The following ARHGEF28 variants were observed in gnomAD, a reference collection of about 807,000 sequenced individuals.
The protein encoded by ARHGEF28 is 190 kDa guanine nucleotide exchange factor.
Under a neutral mutation model 206.6 loss-of-function variants are expected in ARHGEF28, and 152 were observed. That is an observed-to-expected ratio of 0.74 (90% CI 0.64 to 0.84). The LOEUF (loss-of-function observed/expected upper bound fraction) is 0.84. Ranked by LOEUF, ARHGEF28 falls within the 40% of genes least tolerant of loss-of-function variation. The probability of loss-of-function intolerance (pLI) is 0.00; values close to 1 mark genes in which losing one functional copy is unlikely to be tolerated. For missense variants in ARHGEF28, 2,028 were observed against 2,073.2 expected (o/e 0.98, Z 0.42); for synonymous variants, 763 against 776.4 (o/e 0.98, Z 0.29).
intron 3 of ARHGEF28, among the ~76,000 whole-genome samples, chr5:73,750,241 TG>T (rs1427703786): frequency 6.6e-6 from 1 of 152,186 alleles, no homozygotes; most frequent in Non-Finnish European, 1.5e-5. Flanking sequence ...CCAACTTTTA[TG>T]GTTGGGTGTG....
chr5:73,891,289 T>G (rs1761612876), intron 26 of ARHGEF28, among the ~76,000 whole-genome samples: 1 of 152,162 alleles, frequency 6.6e-6, no homozygotes, highest in East Asian at 1.9e-4. Context: ...TCTTTTGTAG[T>G]CACTTTTATA....
intron 9 of ARHGEF28, among the ~76,000 whole-genome samples, chr5:73,816,193 T>G (rs1756199697): frequency 6.6e-6 from 1 of 152,040 alleles, no homozygotes; most frequent in Admixed American, 6.6e-5. Context: ...CTTACAGGGA[T>G]CTTAACATGG....
At chr5:73,750,108 G>T in intron 3 of ARHGEF28, 124 bp downstream of exon 3, 2 of 1,115,592 alleles carry the variant, frequency 1.8e-6, no homozygotes, top group Non-Finnish European at 2.5e-6. Flanking sequence ...AGGAGTGTGT[G>T]CGTGCCTGTG....
In ARHGEF28 at chr5:73,894,510, T is replaced by C; in HGVS notation, c.3776T>C (p.Leu1259Pro). The change falls in exon 29 of 36, where the codon CTT becomes CCT. Residue 1259 changes from leucine (L) to proline (P), a missense_variant. By Grantham distance (98) the Leu-to-Pro change is moderately conservative. Transcript: ENST00000513042. ...GACGTCCATCTAGAGCCCCACCTCC[T>C]TATTAAACCTGACCCAGGCGAGCCT... is the stretch of plus-strand genomic sequence containing the variant. ...FEDVHLEPHL[L>P]IKPDPGEPPQ... 6.2e-7 allele frequency: 1 copy of C among 1,613,964 alleles called. No homozygotes were observed.
At chr5:73,837,693 C>G (rs111253665) in intron 10 of ARHGEF28, among the ~76,000 whole-genome samples, 1 of 151,090 alleles carries the variant, frequency 6.6e-6, no homozygotes, top group African/African-American at 2.4e-5. Flanking sequence ...AATTTTCTTT[C>G]GTTCTCTTTC....
chr5:73,692,400 A>G (rs941765603), intron 2 of ARHGEF28, among the ~76,000 whole-genome samples: 2 of 152,164 alleles, frequency 1.3e-5, no homozygotes, highest in African/African-American at 4.8e-5. Flanking sequence ...TTGTATAACC[A>G]TTTGGGCAGT....
At chr5:73,680,050 G>T (rs1200387115) in intron 1 of ARHGEF28, among the ~76,000 whole-genome samples, 2 of 152,148 alleles carry the variant, frequency 1.3e-5, no homozygotes, top group Non-Finnish European at 2.9e-5. Flanking sequence ...TGAGTCTTGT[G>T]TGTGGTGTTT....
At chr5:73,914,137 C>G (rs1407311723) in intron 35 of ARHGEF28, among the ~76,000 whole-genome samples, 4 of 152,142 alleles carry the variant, frequency 2.6e-5, no homozygotes, top group Non-Finnish European at 4.4e-5. Flanking sequence ...GCTCTACCCC[C>G]ACCCCTGCCA....
intron 9 of ARHGEF28, among the ~76,000 whole-genome samples, chr5:73,799,775 T>C (rs1755026956): frequency 1.3e-5 from 2 of 152,266 alleles, no homozygotes; most frequent in South Asian, 2.1e-4. Flanking sequence ...TGACTTTCCC[T>C]ATGAGGGAAG....
intron 5 of ARHGEF28, among the ~76,000 whole-genome samples, 159 bp from the exon 6 acceptor site, chr5:73,776,357 T>C (rs1753541367): frequency 6.6e-6 from 1 of 152,236 alleles, no homozygotes; most frequent in Admixed American, 6.5e-5. Context: ...TTTATTAGTA[T>C]CTGTTTTTAT....
At chr5:73,724,700 C>T (rs148476905) in intron 2 of ARHGEF28, among the ~76,000 whole-genome samples, 294 of 152,338 alleles carry the variant, frequency 1.9e-3, no homozygotes, top group Non-Finnish European at 3.2e-3. Flanking sequence ...CAGCTTAAGT[C>T]ATTTGAGATT....
chr5:73,676,568 A>C (rs1007740866), intron 1 of ARHGEF28, among the ~76,000 whole-genome samples: 1 of 152,186 alleles, frequency 6.6e-6, no homozygotes, highest in African/African-American at 2.4e-5. Flanking sequence ...CATGATTGTG[A>C]GGGTCATTTT....
chr5:73,768,494 A>G (rs1447616767), intron 4 of ARHGEF28, among the ~76,000 whole-genome samples: 2 of 152,262 alleles, frequency 1.3e-5, no homozygotes, highest in East Asian at 3.9e-4. Flanking sequence ...GAGCTTTAAG[A>G]TTTGACTGCT....
intron 2 of ARHGEF28, among the ~76,000 whole-genome samples, chr5:73,729,327 A>C (rs532350327): frequency 6.6e-6 from 1 of 152,288 alleles, no homozygotes; most frequent in Non-Finnish European, 1.5e-5. Context: ...CTAGGTGATG[A>C]TATGTGTTGC....
intron 26 of ARHGEF28, among the ~76,000 whole-genome samples, chr5:73,891,820 C>T (rs376600709): frequency 2.6e-5 from 4 of 152,144 alleles, no homozygotes; most frequent in South Asian, 2.1e-4. Flanking sequence ...CCGTTGGGCC[C>T]GGCCTAAACC....
At chr5:73,736,504 A>C (rs1332724369) in intron 2 of ARHGEF28, among the ~76,000 whole-genome samples, 1 of 152,228 alleles carries the variant, frequency 6.6e-6, no homozygotes, top group Admixed American at 6.5e-5. Flanking sequence ...GAGATAATTC[A>C]CTTAGAATGG....
chr5:73,789,618 C>A (rs560895136), intron 7 of ARHGEF28, among the ~76,000 whole-genome samples: 1 of 152,098 alleles, frequency 6.6e-6, no homozygotes, highest in Non-Finnish European at 1.5e-5. Context: ...GGAGTATATA[C>A]CAACATTTAA....
intron 31 of ARHGEF28, chr5:73,903,559 C>G (rs987321296): frequency 6.6e-6 from 1 of 152,406 alleles, no homozygotes; most frequent in African/African-American, 2.4e-5. Context: ...AGACAAAGAA[C>G]AAGGCATAGA....
At position 73,639,595 on chromosome 5, in the gene ARHGEF28, A is replaced by G. The variant is rs532194632; in HGVS notation, c.-12+13273A>G. 3.3e-5 allele frequency among the ~76,000 whole-genome samples: 5 copies of G among 152,278 alleles called. No individual in the cohort carries two copies. In the South Asian group the frequency reaches 1.0e-3, roughly 32 times the overall value. ...TTGAACATAGGATTATTGCAGTTTG[A>G]GTACAAGTATACAATAGATAATTTC... On this transcript the variant is annotated intron_variant, in intron 1 of 35. Coordinates refer to ENST00000513042, the MANE Select transcript of ARHGEF28 (RefSeq NM_001177693.2).
Sources: allele counts gnomAD v4.1 joint callset (sites outside exome capture counted in the v4.1 genomes callset), GRCh38; gene constraint gnomAD v4.1.1; transcripts MANE v1.5; gene names NCBI Gene and HGNC (gene_info 2026-07-23, HGNC 2026-07-21).